Variants in AQP9 observed in about 807,000 individuals in gnomAD.
AQP9 encodes the protein aquaporin 9.
In AQP9, 19 loss-of-function variants were observed where a neutral mutation model predicts 23.8. That is an observed-to-expected ratio of 0.80 (90% CI 0.56 to 1.17). The LOEUF (loss-of-function observed/expected upper bound fraction) is 1.17, where lower values mean the gene tolerates loss of function less well. Among genes scored for constraint, AQP9 ranks in the 50% most tolerant of loss-of-function variants. AQP9 has a pLI of 0.00. For synonymous variants in AQP9, 153 were observed against 131.5 expected, an observed-to-expected ratio of 1.16 and a Z score of -1.12; for missense variants, 413 against 362.0, an observed-to-expected ratio of 1.14 and a Z score of -1.14.
At chr15:58,156,206 G>A (rs144299175) in intron 1 of AQP9, 5 of 152,204 alleles carry the variant, frequency 3.3e-5, no homozygotes, top group East Asian at 3.9e-4. Context: ...CTCCTTGTAC[G>A]TTTTTCAGCA....
chr15:58,146,613 G>T (rs1396562483), intron 1 of AQP9: 1 of 152,128 alleles, frequency 6.6e-6, no homozygotes, highest in African/African-American at 2.4e-5. Flanking sequence ...TATTCATAAA[G>T]GATCTTTTCC....
chr15:58,174,461 G>A (rs949745751), intron 3 of AQP9, among the ~76,000 whole-genome samples: 1 of 152,186 alleles, frequency 6.6e-6, no homozygotes, highest in African/African-American at 2.4e-5. Flanking sequence ...AGTGCTAGCT[G>A]TGGCAGTGGC....
intron 1 of AQP9, among the ~76,000 whole-genome samples, chr15:58,164,872 C>A (rs2140615145): frequency 6.6e-6 from 1 of 152,202 alleles, no homozygotes; most frequent in South Asian, 2.1e-4. Context: ...TAATTCATCA[C>A]AATAAAAAAA....
chr15:58,170,816 C>T (rs1898603549), intron 2 of AQP9, among the ~76,000 whole-genome samples: 1 of 152,176 alleles, frequency 6.6e-6, no homozygotes, highest in African/African-American at 2.4e-5. Flanking sequence ...AAACAGAAAC[C>T]TACTTATGGG....
chr15:58,144,968 T>C (rs569419629), intron 1 of AQP9, among the ~76,000 whole-genome samples: 6 of 140,214 alleles, frequency 4.3e-5, no homozygotes, highest in Admixed American at 3.1e-4. Context: ...GAGCTGAGAT[T>C]GCGCCACTGC....
rs143696466 is a variant in AQP9 at position 58,173,318 on chromosome 15, T to G, written c.376+113T>G. The G allele has an allele frequency of 7.8e-4, 1,121 of 1,441,538 alleles. 12 individuals carry two copies. In the East Asian group the frequency reaches 0.014, roughly 19 times the overall value. The allele number at this position is 1,441,538 out of a possible 1,614,324, so 89.3% of individuals were successfully genotyped here. The stretch of plus-strand genomic sequence containing the variant: ...GCAAGGACGGGAAGCATTCTACAAG[T>G]GACAGCAAGTTCTAAATTTGAGAAA... On this transcript the variant is annotated intron_variant, in intron 3 of 5. Transcript: ENST00000219919.
upstream of AQP9, chr15:58,138,176 T>G (rs1476922650): frequency 6.4e-6 from 1 of 157,472 alleles, no homozygotes; most frequent in African/African-American, 2.4e-5. Flanking sequence ...ATGAAAATCT[T>G]TTCTGGACCA....
chr15:58,166,125 G>C (rs1898497886), intron 1 of AQP9, among the ~76,000 whole-genome samples: 1 of 152,138 alleles, frequency 6.6e-6, no homozygotes, highest in South Asian at 2.1e-4. Flanking sequence ...GAACAGAACT[G>C]TCAAACTCAA....
At chr15:58,175,904 C>T (rs547209446) in intron 4 of AQP9, among the ~76,000 whole-genome samples, 9 of 152,352 alleles carry the variant, frequency 5.9e-5, no homozygotes, top group Non-Finnish European at 1.2e-4. Flanking sequence ...TCATTAAAAA[C>T]TCACTATGTG....
At chr15:58,138,268 C>A, upstream of AQP9, 2 of 182,656 alleles carry the variant, frequency 1.1e-5, no homozygotes, top group Admixed American at 5.9e-5. Context: ...GAAAAAAGTA[C>A]CTTGAGAATA....
In AQP9 at chr15:58,180,566, G is replaced by A. The variant is rs549332341; in HGVS notation, c.713+1221G>A. On this transcript the variant is annotated intron_variant, in intron 5 of 5. Coordinates refer to ENST00000219919, the MANE Select transcript of AQP9 (RefSeq NM_020980.5). ...AAAGAATGAATGAATTCTATGTGAC[G>A]GACACTTCCTAGGAGTTGAAGGATG... Among the ~76,000 whole-genome samples the A allele has an allele frequency of 2.3e-3, 353 of 152,204 alleles. 1 individual carries two copies. The highest frequency in any genetic ancestry group is 7.9e-3 in the African/African-American group (327 of 41,506).
intron 1 of AQP9, chr15:58,151,517 C>T (rs1693042522): frequency 6.6e-6 from 1 of 152,088 alleles, no homozygotes; most frequent in Admixed American, 6.6e-5. Context: ...CCCTTCTAAT[C>T]TTAACAACCT....
chr15:58,168,509 C>T (rs74016572), intron 2 of AQP9, among the ~76,000 whole-genome samples: 2,042 of 152,186 alleles, frequency 0.013, 46 homozygotes, highest in African/African-American at 0.047. Context: ...GCTGTGCATC[C>T]GGAATGGCCA....
At chr15:58,139,624 T>A (rs946099125) in intron 1 of AQP9, among the ~76,000 whole-genome samples, 4 of 152,232 alleles carry the variant, frequency 2.6e-5, no homozygotes. Context: ...CTCTGTGCAT[T>A]AAAAGTTCTT....
chr15:58,141,369 T>C (rs532729559), intron 1 of AQP9, among the ~76,000 whole-genome samples: 2 of 152,294 alleles, frequency 1.3e-5, no homozygotes, highest in African/African-American at 2.4e-5. Context: ...GCTGGACTTT[T>C]GAGTAGATAA....
chr15:58,138,615 T>A lies in AQP9; in HGVS notation c.50T>A (p.Val17Asp), dbSNP rs756348851. 59 of 1,613,734 alleles carry A rather than the reference T, an allele frequency of 3.7e-5. No individual in the cohort carries two copies. Among genetic ancestry groups the A allele is most frequent in the Non-Finnish European group, 4.6e-5 (54 of 1,179,840 alleles). ...EKGKSFKQRL[V>D]LKSSLAKETL... ...GGAAAAAGCTTCAAGCAGAGACTGG[T>A]CTTGAAGAGCAGCTTAGCGAAAGAA... The change falls in exon 1 of 6, where the codon GTC becomes GAC. Residue 17 changes from valine (V) to aspartate (D), a missense_variant. Transcript: ENST00000219919.
chr15:58,171,003 C>A (rs1301521158), intron 2 of AQP9, among the ~76,000 whole-genome samples: 2 of 151,996 alleles, frequency 1.3e-5, no homozygotes, highest in African/African-American at 2.4e-5. Context: ...CTGCTCACTG[C>A]AACTTCTGCC....
At chr15:58,158,982 T>C (rs1225095872) in intron 1 of AQP9, among the ~76,000 whole-genome samples, 2 of 152,222 alleles carry the variant, frequency 1.3e-5, no homozygotes, top group African/African-American at 4.8e-5. Flanking sequence ...GTGTCTGTTA[T>C]GCACCACATA....
chr15:58,181,987 A>C (rs1459480226), intron 5 of AQP9, among the ~76,000 whole-genome samples: 3 of 152,008 alleles, frequency 2.0e-5, no homozygotes, highest in Non-Finnish European at 2.9e-5. Flanking sequence ...CCTACACCTA[A>C]GGTCTTAGAA....
Sources: gnomAD v4.1 joint callset for allele counts (sites outside exome capture counted in the v4.1 genomes callset) on GRCh38, gnomAD v4.1.1 for gene constraint, MANE v1.5 for transcripts, NCBI Gene and HGNC (gene_info 2026-07-23, HGNC 2026-07-21) for gene names.